CASK: variants seen among roughly 807,000 people sequenced by gnomAD.
CASK encodes the protein calcium/calmodulin dependent serine protein kinase, also known as peripheral plasma membrane protein CASK.
Under a neutral mutation model 82.9 loss-of-function variants are expected in CASK, and 4 were observed. That is an observed-to-expected ratio of 0.05 (90% CI 0.02 to 0.11). CASK has a LOEUF of 0.11. CASK is among the 10% of genes least tolerant of loss of function. The pLI is 1.00. For synonymous variants in CASK, 259 were observed against 253.5 expected (o/e 1.02, Z -0.20); for missense variants, 358 against 720.9 (o/e 0.50, Z 5.76).
intron 1 of CASK, among the ~76,000 whole-genome samples, chrX:41,883,040 G>A (rs1235960368): frequency 2.7e-5 from 3 of 111,860 alleles, no homozygotes; most frequent in Non-Finnish European, 5.6e-5. Flanking sequence ...AATCCCATCA[G>A]TCTCTAACCA....
At chrX:41,727,785 C>T (rs1467045744) in intron 5 of CASK, 1 of 1,205,349 alleles carries the variant, frequency 8.3e-7, no homozygotes, top group Non-Finnish European at 1.1e-6. Flanking sequence ...ATCTTTTGGT[C>T]ATCCAGATTC....
intron 16 of CASK, among the ~76,000 whole-genome samples, chrX:41,569,251 T>C (rs769333919): frequency 1.8e-5 from 2 of 111,604 alleles, no homozygotes; most frequent in South Asian, 7.6e-4. Context: ...ATGTCTCTCC[T>C]ACATCGTGAG....
chrX:41,680,436 C>T (rs1049317874), intron 5 of CASK, among the ~76,000 whole-genome samples: 4 of 106,648 alleles, frequency 3.8e-5, no homozygotes, highest in Non-Finnish European at 7.7e-5. Flanking sequence ...GAGCCAAGAT[C>T]GCGCCATTGC....
intron 2 of CASK, among the ~76,000 whole-genome samples, chrX:41,838,386 T>C (rs1228931948): frequency 8.9e-6 from 1 of 112,433 alleles, no homozygotes; most frequent in Non-Finnish European, 1.9e-5. Context: ...CTACGAATTG[T>C]GCATTTAGTG....
intron 1 of CASK, chrX:41,919,169 T>G (rs994946574): frequency 9.8e-5 from 11 of 112,468 alleles, no homozygotes; most frequent in African/African-American, 3.6e-4. Flanking sequence ...AAACATTCCC[T>G]GCCCTCAGGA....
At chrX:41,883,105 G>A (rs770254237) in intron 1 of CASK, among the ~76,000 whole-genome samples, 2 of 111,695 alleles carry the variant, frequency 1.8e-5, no homozygotes, top group African/African-American at 6.5e-5. Flanking sequence ...CAAAACATTT[G>A]GTAATACCAT....
intron 1 of CASK, among the ~76,000 whole-genome samples, chrX:41,886,505 T>C (rs1039557473): frequency 9.0e-6 from 1 of 111,715 alleles, no homozygotes; most frequent in Non-Finnish European, 1.9e-5. Context: ...ACTGATTATA[T>C]AAATATAATA....
chrX:41,521,823 A>G (rs2064641805), intron 26 of CASK, among the ~76,000 whole-genome samples: 1 of 112,283 alleles, frequency 8.9e-6, no homozygotes, highest in African/African-American at 3.2e-5. Context: ...CAGCTAGGGC[A>G]TAAACTTGTC....
intron 1 of CASK, among the ~76,000 whole-genome samples, chrX:41,859,895 C>T (rs976653120): frequency 1.3e-4 from 14 of 111,303 alleles, no homozygotes; most frequent in African/African-American, 4.6e-4. Flanking sequence ...AGCAATGGTT[C>T]AGTATTGGTT....
chrX:41,729,870 TG>T (rs1475236592), intron 5 of CASK: 1 of 109,131 alleles, frequency 9.2e-6, no homozygotes. Context: ...AATATTTAAG[TG>T]AACATTTAAA....
chrX:41,906,486 A>C (rs932555541), intron 1 of CASK, among the ~76,000 whole-genome samples: 4 of 112,492 alleles, frequency 3.6e-5, no homozygotes, highest in Non-Finnish European at 7.5e-5. Context: ...AAATGGTTCA[A>C]AATCTACACA....
At chrX:41,785,760 C>A (rs1000729790) in intron 3 of CASK, among the ~76,000 whole-genome samples, 1 of 111,996 alleles carries the variant, frequency 8.9e-6, no homozygotes, top group Non-Finnish European at 1.9e-5. Context: ...TTGTGAAATG[C>A]CTCCCAGTGA....
chrX:41,854,226 A>G (rs182648585), intron 1 of CASK, among the ~76,000 whole-genome samples: 2,486 of 64,074 alleles, frequency 0.039, 36 homozygotes, highest in African/African-American at 0.046. Context: ...GGGCGCGCGC[A>G]CACACACACA....
chrX:41,642,086 T>A (rs1453756659), intron 8 of CASK, among the ~76,000 whole-genome samples: 1 of 111,037 alleles, frequency 9.0e-6, no homozygotes, highest in Non-Finnish European at 1.9e-5. Flanking sequence ...CACCCTTTTT[T>A]AAGGTTGCAT....
chrX:41,590,338 C>T (rs2065724249), intron 12 of CASK, among the ~76,000 whole-genome samples: 1 of 108,589 alleles, frequency 9.2e-6, no homozygotes, highest in South Asian at 4.0e-4. Context: ...AAAACCCCGT[C>T]TCTACTAAAA....
chrX:41,687,592 G>A (rs1156962393), intron 5 of CASK, among the ~76,000 whole-genome samples: 1 of 111,288 alleles, frequency 9.0e-6, no homozygotes, highest in Non-Finnish European at 1.9e-5. Flanking sequence ...AGTTTTGCAC[G>A]ATGAAAAACT....
chrX:41,805,045 A>C (rs1355214291), intron 2 of CASK, among the ~76,000 whole-genome samples: 6 of 111,803 alleles, frequency 5.4e-5, no homozygotes, highest in Non-Finnish European at 9.4e-5. Context: ...ATGCACTGTT[A>C]ATGGAGTACT....
intron 2 of CASK, among the ~76,000 whole-genome samples, chrX:41,803,665 C>T (rs1166528867): frequency 9.0e-6 from 1 of 111,208 alleles, no homozygotes; most frequent in Non-Finnish European, 1.9e-5. Context: ...CAATAAATTA[C>T]ACAAGAAATA....
At chrX:41,753,947 G>A (rs957375444) in intron 3 of CASK, among the ~76,000 whole-genome samples, 3 of 112,090 alleles carry the variant, frequency 2.7e-5, no homozygotes, top group African/African-American at 9.7e-5. Flanking sequence ...CTAACATTTG[G>A]AAACTAGACA....
Sources: allele counts gnomAD v4.1 joint callset (sites outside exome capture counted in the v4.1 genomes callset), GRCh38; gene constraint gnomAD v4.1.1; transcripts MANE v1.5; gene names NCBI Gene and HGNC (gene_info 2026-07-23, HGNC 2026-07-21).